Variants in TDRD3 observed in about 807,000 individuals in gnomAD.
The protein encoded by TDRD3 is tudor domain-containing protein 3.
Under a neutral mutation model 86.7 loss-of-function variants are expected in TDRD3, and 45 were observed. The observed-to-expected ratio is 0.52, with a 90% CI of 0.41 to 0.67. The LOEUF (loss-of-function observed/expected upper bound fraction) is 0.67, where lower values mean the gene tolerates loss of function less well. TDRD3 is among the 30% of genes least tolerant of loss of function. The pLI is 0.00. For missense variants in TDRD3, 814 were observed against 889.0 expected, an observed-to-expected ratio of 0.92 and a Z score of 1.07; for synonymous variants, 298 against 301.7, an observed-to-expected ratio of 0.99 and a Z score of 0.13.
rs552848224 is a variant in TDRD3, at chr13:60,455,865, C to T, written c.193-4515C>T. Among the ~76,000 whole-genome samples, 10 of 151,972 alleles carry T rather than the reference C, an allele frequency of 6.6e-5. No homozygotes were observed. In the South Asian group the frequency reaches 1.5e-3, roughly 22 times the overall value. On this transcript the variant is annotated intron_variant, in intron 3 of 13. Coordinates refer to ENST00000377881, the MANE Select transcript of TDRD3 (RefSeq NM_001146070.2). ...GGTGGATCACCTGAGGTCCAGAGTT[C>T]GAGACCAGCCTGGCCAACATGGTGA...
chr13:60,569,139 T>C (rs1958528692), intron 13 of TDRD3, among the ~76,000 whole-genome samples: 1 of 152,124 alleles, frequency 6.6e-6, no homozygotes, highest in South Asian at 2.1e-4. Context: ...TAGCTGATTT[T>C]TGTATTTTTT....
chr13:60,475,319 C>A (rs1023107963), intron 5 of TDRD3, among the ~76,000 whole-genome samples: 1 of 152,154 alleles, frequency 6.6e-6, no homozygotes, highest in Admixed American at 6.5e-5. Flanking sequence ...TTATTTAGCT[C>A]CCACTTATAA....
chr13:60,509,595 A>T (rs1957014141), intron 8 of TDRD3, 168 bp from the exon 9 acceptor site: 1 of 814,816 alleles, frequency 1.2e-6, no homozygotes, highest in South Asian at 1.7e-5. Context: ...TATCATACAG[A>T]TTCTTCCTTG....
intron 3 of TDRD3, among the ~76,000 whole-genome samples, chr13:60,451,019 G>C (rs1251617162): frequency 6.6e-6 from 1 of 152,118 alleles, no homozygotes; most frequent in East Asian, 1.9e-4. Context: ...TACACAAAAA[G>C]CTCCTTTGTA....
chr13:60,419,612 C>A (rs1954606898), intron 1 of TDRD3, among the ~76,000 whole-genome samples: 1 of 151,884 alleles, frequency 6.6e-6, no homozygotes, highest in Admixed American at 6.6e-5. Context: ...AGGGGAACAT[C>A]ACACACTGAG....
At chr13:60,515,094 C>A (rs1202172517) in intron 10 of TDRD3, among the ~76,000 whole-genome samples, 1 of 152,122 alleles carries the variant, frequency 6.6e-6, no homozygotes, top group South Asian at 2.1e-4. Flanking sequence ...CAAAGGATTT[C>A]ATCATTTACT....
chr13:60,416,302 G>A (rs919775345), intron 1 of TDRD3, among the ~76,000 whole-genome samples: 5 of 151,824 alleles, frequency 3.3e-5, no homozygotes, highest in Non-Finnish European at 7.4e-5. Flanking sequence ...TTTTAACTAA[G>A]GAAGTTTTAA....
intron 10 of TDRD3, among the ~76,000 whole-genome samples, chr13:60,513,079 T>C (rs1957094194): frequency 6.6e-6 from 1 of 152,262 alleles, no homozygotes; most frequent in Admixed American, 6.5e-5. Flanking sequence ...CTCTGAAATC[T>C]GGGTGGAGGT....
At chr13:60,539,181 A>G (rs1167485042) in intron 12 of TDRD3, among the ~76,000 whole-genome samples, 1 of 152,080 alleles carries the variant, frequency 6.6e-6, no homozygotes, top group Non-Finnish European at 1.5e-5. Flanking sequence ...TAGAATACTC[A>G]TTTATTCAAC....
chr13:60,413,210 ATTAG>A (rs748186389), intron 1 of TDRD3, among the ~76,000 whole-genome samples: 23 of 152,210 alleles, frequency 1.5e-4, no homozygotes, highest in South Asian at 2.1e-4. Context: ...TTATATTAGA[ATTAG>A]TTAATTATAA....
chr13:60,455,748 A>G (rs1432785151), intron 3 of TDRD3, among the ~76,000 whole-genome samples: 1 of 152,014 alleles, frequency 6.6e-6, no homozygotes, highest in Admixed American at 6.6e-5. Context: ...AGATTGAGAA[A>G]TTTCTTTCTC....
At chr13:60,409,531 C>A (rs1487430221) in intron 1 of TDRD3, among the ~76,000 whole-genome samples, 4 of 152,170 alleles carry the variant, frequency 2.6e-5, no homozygotes, top group African/African-American at 4.8e-5. Flanking sequence ...ATCAGTGTGA[C>A]CTGGATGTGA....
At chr13:60,539,674 A>G (rs1393099584) in intron 12 of TDRD3, among the ~76,000 whole-genome samples, 1 of 151,840 alleles carries the variant, frequency 6.6e-6, no homozygotes, top group Non-Finnish European at 1.5e-5. Flanking sequence ...AATTTATTTT[A>G]TAATGTCATC....
intron 7 of TDRD3, among the ~76,000 whole-genome samples, chr13:60,493,285 A>G (rs953284679): frequency 6.6e-5 from 10 of 152,182 alleles, no homozygotes; most frequent in African/African-American, 2.2e-4. Context: ...TACTGTAATC[A>G]TTTTAAAACA....
intron 8 of TDRD3, among the ~76,000 whole-genome samples, chr13:60,497,556 C>T (rs991663093): frequency 2.0e-5 from 3 of 152,170 alleles, no homozygotes; most frequent in African/African-American, 4.8e-5. Flanking sequence ...CTTTCATTAT[C>T]TCCTGTGGAG....
At chr13:60,502,779 A>G (rs1190705813) in intron 8 of TDRD3, among the ~76,000 whole-genome samples, 1 of 152,158 alleles carries the variant, frequency 6.6e-6, no homozygotes, top group Non-Finnish European at 1.5e-5. Context: ...TCTCCATGGG[A>G]ATTTTATTGT....
chr13:60,513,485 A>C (rs898682826), intron 10 of TDRD3, among the ~76,000 whole-genome samples: 1 of 152,178 alleles, frequency 6.6e-6, no homozygotes, highest in Non-Finnish European at 1.5e-5. Context: ...GTCAGTCTGC[A>C]AATTTTCCAG....
At chr13:60,456,045 G>A (rs1955661428) in intron 3 of TDRD3, among the ~76,000 whole-genome samples, 1 of 146,988 alleles carries the variant, frequency 6.8e-6, no homozygotes, top group Admixed American at 7.0e-5. Context: ...ACTCCAGCCT[G>A]GGTGACAGAG....
rs576112593 is a variant in TDRD3 at position 60,531,811 on chromosome 13, A to G, written c.1992+2594A>G. 1.5e-3 allele frequency among the ~76,000 whole-genome samples: 221 copies of G among 152,316 alleles called. 1 individual carries two copies. The highest frequency in any genetic ancestry group is 4.9e-3 in the African/African-American group (205 of 41,566). ...TATCTGCAGTGTCTAATATCCTTTA[A>G]AAAGTTATGAGCCATAGTTAAAAAA... On this transcript the variant is annotated intron_variant, in intron 11 of 13. Coordinates refer to ENST00000377881, the MANE Select transcript of TDRD3 (RefSeq NM_001146070.2).
Sources: gnomAD v4.1 joint callset for allele counts (sites outside exome capture counted in the v4.1 genomes callset) on GRCh38, gnomAD v4.1.1 for gene constraint, MANE v1.5 for transcripts, NCBI Gene and HGNC (gene_info 2026-07-23, HGNC 2026-07-21) for gene names.